The following RFX2 variants were observed in gnomAD, a reference collection of about 807,000 sequenced individuals.
The protein encoded by RFX2 is DNA-binding protein RFX2.
RFX2 carries 20 observed loss-of-function variants against 87.8 expected under a neutral mutation model. That is an observed-to-expected ratio of 0.23 (90% confidence interval 0.16 to 0.33). The LOEUF (loss-of-function observed/expected upper bound fraction) is 0.33, where lower values mean the gene tolerates loss of function less well. Ranked by LOEUF, RFX2 falls within the 10% of genes least tolerant of loss-of-function variation. The probability of loss-of-function intolerance (pLI) is 1.00; values close to 1 mark genes in which losing one functional copy is unlikely to be tolerated. For synonymous variants in RFX2, 397 were observed against 431.3 expected (o/e 0.92, Z 0.98); for missense variants, 767 against 1,012.3 (o/e 0.76, Z 3.29).
At position 6,039,981 on chromosome 19, in the gene RFX2, G is replaced by A. The variant is rs754012291; in HGVS notation, c.521C>T (p.Thr174Met). Reference protein sequence around the residue: ...LAHTSRSSPATLEMAIENLQK... With the variant: ...LAHTSRSSPAMLEMAIENLQK... Reference sequence around the variant, plus strand: ...TGGTCCCAAGAGCCTCCTACATACCGTGGCGGGCGATGAGCGGGAGGTGTG... The same window carrying A: ...TGGTCCCAAGAGCCTCCTACATACCATGGCGGGCGATGAGCGGGAGGTGTG... The change falls in exon 5 of 18, where the codon ACG (threonine) becomes ATG (methionine). Residue 174 changes from threonine to methionine, a missense_variant and splice_region_variant. By Grantham distance (81) the Thr-to-Met change is moderately conservative. Around this residue, in one of 2 missense-constraint regions of RFX2, gnomAD observed 621 missense variants for 873.0 expected, o/e 0.71. Coordinates refer to ENST00000303657, the MANE Select transcript of RFX2 (RefSeq NM_000635.4). The surrounding 1 kb of genome is among the most constrained non-coding windows in gnomAD (Gnocchi z 5.2). 119 of 1,570,062 alleles carry A rather than the reference G, an allele frequency of 7.6e-5. No individual in the cohort carries two copies. Among genetic ancestry groups the A allele is most frequent in the Middle Eastern group, 1.8e-4 (1 of 5,574 alleles).
intron 1 of RFX2, among the ~76,000 whole-genome samples, chr19:6,093,938 AAGGGAGGTGGGG>A (rs931767596): frequency 1.1e-4 from 16 of 152,190 alleles, no homozygotes; most frequent in Non-Finnish European, 2.1e-4. Context: ...GGGGCTGGGG[AAGGGAGGTGGGG>A]AGTGACTGCT....
rs961247444 is a variant in RFX2 at position 6,013,224 on chromosome 19, C to T, written c.780-119G>A. On this transcript the variant is annotated intron_variant, in intron 7 of 17. Transcript: ENST00000303657. The surrounding 1 kb of genome is among the most constrained non-coding windows in gnomAD (Gnocchi z 4.1). ...TTTTTGAGACAGAATCTCATTCTGT[C>T]GCCCAGGCTGGAGTACAGCAGTGCC... 4.8e-5 allele frequency: 53 copies of T among 1,105,942 alleles called. No homozygotes were observed. The highest frequency in any genetic ancestry group is 5.5e-4 in the Middle Eastern group (2 of 3,614). The allele number at this position is 1,105,942 out of a possible 1,614,324, so 68.5% of individuals were successfully genotyped here. A position where few individuals can be genotyped will look rare whatever the true frequency, so the allele number is the denominator to read the frequency against.
At chr19:6,086,091 CAAAAAAAAAA>C (rs11340459) in intron 1 of RFX2, among the ~76,000 whole-genome samples, 2 of 59,460 alleles carry the variant, frequency 3.4e-5, no homozygotes, top group Non-Finnish European at 6.2e-5. Flanking sequence ...GATCCTGTCT[CAAAAAAAAAA>C]AAAAAAAAAA....
intron 1 of RFX2, chr19:6,068,380 G>C (rs1396832196): frequency 6.6e-6 from 1 of 152,186 alleles, no homozygotes; most frequent in Admixed American, 6.5e-5. Context: ...TTCTATTCTA[G>C]ACCATGCGGG....
At chr19:6,049,676 C>T (rs1283572208) in intron 1 of RFX2, among the ~76,000 whole-genome samples, 12 of 152,148 alleles carry the variant, frequency 7.9e-5, no homozygotes, top group Non-Finnish European at 1.8e-4. Context: ...TTACAGGCAC[C>T]CACCATCATG....
At position 6,056,081 on chromosome 19, in the gene RFX2, G is replaced by C. The variant is rs1275526767; in HGVS notation, c.-8-8577C>G. Among the ~76,000 whole-genome samples the C allele has an allele frequency of 6.6e-6, 1 of 152,184 alleles. No individual in the cohort carries two copies. Among genetic ancestry groups the C allele is most frequent in the African/African-American group, 2.4e-5 (1 of 41,434 alleles). On this transcript the variant is annotated intron_variant, in intron 1 of 17. Coordinates refer to ENST00000303657, the MANE Select transcript of RFX2 (RefSeq NM_000635.4). The surrounding 1 kb of genome is among the most constrained non-coding windows in gnomAD (Gnocchi z 4.6). ...GGGACAGGAGGGGACACTCCAGTGA[G>C]ATGGACGCATTCTGTATGATAATAC... is the stretch of plus-strand genomic sequence containing the variant.
At chr19:6,069,561 T>C (rs1398846561) in intron 1 of RFX2, among the ~76,000 whole-genome samples, 3 of 152,212 alleles carry the variant, frequency 2.0e-5, no homozygotes, top group Non-Finnish European at 2.9e-5. Context: ...GGCTGAGTTC[T>C]GGGGCTGTCT....
intron 4 of RFX2, among the ~76,000 whole-genome samples, chr19:6,041,768 T>C (rs2087111125): frequency 6.6e-6 from 1 of 151,984 alleles, no homozygotes; most frequent in Non-Finnish European, 1.5e-5. Flanking sequence ...GGCGTGATCA[T>C]AGCTCACTGC....
intron 1 of RFX2, among the ~76,000 whole-genome samples, chr19:6,058,079 T>C (rs906677467): frequency 3.9e-5 from 6 of 152,210 alleles, no homozygotes; most frequent in Admixed American, 3.9e-4. Context: ...CAGTTGGTTC[T>C]CAGTGCCAAG....
intron 1 of RFX2, among the ~76,000 whole-genome samples, chr19:6,048,911 C>T (rs1014127746): frequency 6.6e-6 from 1 of 150,764 alleles, no homozygotes; most frequent in African/African-American, 2.4e-5. Flanking sequence ...CCTTCGATGC[C>T]ACCCAGAGCC....
chr19:6,006,866 A>T, intron 12 of RFX2, 146 bp downstream of exon 12: 1 of 829,290 alleles, frequency 1.2e-6, no homozygotes, highest in Non-Finnish European at 1.9e-6. Flanking sequence ...TGTGGGGATC[A>T]CTGGCATGAG....
intron 1 of RFX2, among the ~76,000 whole-genome samples, chr19:6,058,029 A>G (rs909440900): frequency 4.0e-4 from 61 of 152,218 alleles, no homozygotes; most frequent in African/African-American, 1.4e-3. Flanking sequence ...TGATGGTGGA[A>G]CCATGTCCTT....
At chr19:6,066,169 G>A (rs1213703411) in intron 1 of RFX2, among the ~76,000 whole-genome samples, 5 of 152,086 alleles carry the variant, frequency 3.3e-5, no homozygotes, top group Admixed American at 3.3e-4. Flanking sequence ...GCTGCAAAGT[G>A]CCCATCAACA....
intron 1 of RFX2, among the ~76,000 whole-genome samples, chr19:6,089,475 G>A (rs942381216): frequency 6.6e-6 from 1 of 152,230 alleles, no homozygotes; most frequent in Non-Finnish European, 1.5e-5. Flanking sequence ...AAACTCACAT[G>A]TTGAAACCTA....
Position 6,047,457 on chromosome 19 carries a change from C to T in RFX2, c.40G>A (p.Val14Met), listed in dbSNP as rs575115131. 9.3e-6 allele frequency: 15 copies of T among 1,606,462 alleles called. No individual in the cohort carries two copies. The highest frequency in any genetic ancestry group is 8.5e-5 in the Admixed American group (5 of 59,122). The change falls in exon 2 of 18, where the codon GTG becomes ATG. Residue 14 changes from valine to methionine, a missense_variant. Physicochemically the swap from Val to Met is conservative, Grantham distance 21. Transcript: ENST00000303657. This position sits in a 1 kb window ranked among gnomAD's most constrained non-coding sequence, Gnocchi z 4.2. Reference protein sequence around the residue: ...SEGGADSPASVALRPSAAAPP... With the variant: ...SEGGADSPASMALRPSAAAPP... ...GCTGCCGCCGAGGGACGCAGAGCCACGGACGCTGGCGAATCCGCTCCACCC... is the reference window on the plus strand; with the variant it reads ...GCTGCCGCCGAGGGACGCAGAGCCATGGACGCTGGCGAATCCGCTCCACCC...
intron 16 of RFX2, 27 bp from the exon 17 acceptor site, chr19:5,995,670 C>T (rs572339015): frequency 5.7e-5 from 88 of 1,551,238 alleles, no homozygotes; most frequent in East Asian, 2.9e-4. Flanking sequence ...GAGTCAGGGG[C>T]GCCTGCAGAG....
At chr19:6,046,563 C>CAAAA (rs553142802) in intron 2 of RFX2, among the ~76,000 whole-genome samples, 3 of 117,080 alleles carry the variant, frequency 2.6e-5, no homozygotes, top group Admixed American at 8.9e-5. Flanking sequence ...CGTCCCCCCC[C>CAAAA]AAAAAAAAAA....
rs774994651 is a variant in RFX2, at chr19:6,016,636, C to T, written c.598-365G>A. Among the ~76,000 whole-genome samples the T allele has an allele frequency of 4.0e-4, 61 of 152,210 alleles. No individual in the cohort carries two copies. Among genetic ancestry groups the T allele is most frequent in the Non-Finnish European group, 7.1e-4 (48 of 68,048 alleles). On this transcript the variant is annotated intron_variant, in intron 6 of 17. Transcript: ENST00000303657. The surrounding 1 kb of genome is among the most constrained non-coding windows in gnomAD (Gnocchi z 5.4). Reference sequence around the variant, plus strand: ...AAACTACTGACCTCAGGTGATCCGCCTGCCTCAGCCTCCCAAAGTGCTGGG... The same window carrying T: ...AAACTACTGACCTCAGGTGATCCGCTTGCCTCAGCCTCCCAAAGTGCTGGG...
chr19:6,020,621 G>T lies in RFX2; in HGVS notation c.598-4350C>A, dbSNP rs2086798823. Among the ~76,000 whole-genome samples the T allele has an allele frequency of 6.6e-6, 1 of 152,202 alleles. No homozygotes were observed. Among genetic ancestry groups the T allele is most frequent in the Non-Finnish European group, 1.5e-5 (1 of 68,038 alleles). ...ACGTCAGACTGCGGCAAGCATCACA[G>T]GTCAGTTCCGTGAAACCGACCACGA... On this transcript the variant is annotated intron_variant, in intron 6 of 17. Coordinates refer to ENST00000303657, the MANE Select transcript of RFX2 (RefSeq NM_000635.4). This position sits in a 1 kb window ranked among gnomAD's most constrained non-coding sequence, Gnocchi z 5.3.
Sources: allele counts gnomAD v4.1 joint callset (sites outside exome capture counted in the v4.1 genomes callset), GRCh38; gene constraint gnomAD v4.1.1; regional missense constraint gnomAD v4.1.1; non-coding constraint Gnocchi (gnomAD v3.1); transcripts MANE v1.5; gene names NCBI Gene and HGNC (gene_info 2026-07-23, HGNC 2026-07-21).